Variants in DAAM1 observed in about 807,000 individuals in gnomAD.
DAAM1 encodes the protein dishevelled associated activator of morphogenesis 1.
In DAAM1, 52 loss-of-function variants were observed where a neutral mutation model predicts 130.0. The observed-to-expected ratio is 0.40, with a 90% CI of 0.32 to 0.50. The LOEUF (loss-of-function observed/expected upper bound fraction) is 0.50, where lower values mean the gene tolerates loss of function less well. Among genes scored for constraint, DAAM1 ranks in the 20% least tolerant of loss-of-function variants. DAAM1 has a pLI of 0.61. For missense variants in DAAM1, 1,134 were observed against 1,303.8 expected (o/e 0.87, Z 2.01); for synonymous variants, 452 against 444.5 (o/e 1.02, Z -0.21).
At chr14:59,256,164 A>G (rs532520229) in intron 1 of DAAM1, among the ~76,000 whole-genome samples, 1 of 152,374 alleles carries the variant, frequency 6.6e-6, no homozygotes, top group East Asian at 1.9e-4. Flanking sequence ...TCACTCATGT[A>G]TTAAATACTG....
At chr14:59,288,406 CAAA>C (rs1459737080) in intron 2 of DAAM1, among the ~76,000 whole-genome samples, 1 of 151,916 alleles carries the variant, frequency 6.6e-6, no homozygotes, top group East Asian at 1.9e-4. Flanking sequence ...GGAACAAAAA[CAAA>C]AATTGACAAG....
chr14:59,323,188 A>G lies in DAAM1; in HGVS notation c.737A>G (p.His246Arg), dbSNP rs1885085031. 1.9e-6 allele frequency: 3 copies of G among 1,613,284 alleles called. No homozygotes were observed. The highest frequency in any genetic ancestry group is 2.2e-5 in the East Asian group (1 of 44,796). ...GHKKVLQAML[H>R]YQKYASERTR... ...AAGAAGGTTCTGCAGGCCATGCTGCACTACCAGAAGTATGCCAGCGAAAGG... is the reference window on the plus strand; with the variant it reads ...AAGAAGGTTCTGCAGGCCATGCTGCGCTACCAGAAGTATGCCAGCGAAAGG... Residue 246 changes from histidine (H) to arginine (R), a missense_variant, in exon 6 of 25, where the codon CAC (histidine) becomes CGC (arginine). Physicochemically the swap from His to Arg is conservative, Grantham distance 29 (BLOSUM62 0). Transcript: ENST00000360909.
At position 59,326,645 on chromosome 14, in the gene DAAM1, G is replaced by A. The variant is rs749038803; in HGVS notation, c.1310G>A (p.Arg437Gln). 6 of 1,611,968 alleles carry A rather than the reference G, an allele frequency of 3.7e-6. No individual in the cohort carries two copies. Among genetic ancestry groups the A allele is most frequent in the South Asian group, 2.2e-5 (2 of 90,340 alleles). Residue 437 changes from arginine to glutamine, a missense_variant, in exon 11 of 25, where the codon CGA becomes CAA. Physicochemically the swap from Arg to Gln is conservative, Grantham distance 43 (BLOSUM62 1). This residue lies in a region of DAAM1 where 391 missense variants were observed against 521.6 expected (regional missense o/e 0.75). Transcript: ENST00000360909. ...LENFNIKNVV[R>Q]MLVNENEVKQ... Reference sequence around the variant, plus strand: ...AACTTTAATATTAAGAATGTCGTACGAATGTAAGTCTCTTCTTATTCTGCT... The same window carrying A: ...AACTTTAATATTAAGAATGTCGTACAAATGTAAGTCTCTTCTTATTCTGCT...
chr14:59,276,991 A>G (rs1379415650), intron 2 of DAAM1, among the ~76,000 whole-genome samples: 1 of 152,214 alleles, frequency 6.6e-6, no homozygotes, highest in Non-Finnish European at 1.5e-5. Context: ...AACTCATTAG[A>G]AATAGATATC....
At chr14:59,335,332 C>T (rs556247496) in intron 15 of DAAM1, among the ~76,000 whole-genome samples, 5 of 152,306 alleles carry the variant, frequency 3.3e-5, no homozygotes, top group African/African-American at 1.2e-4. Context: ...TCTCCACTCA[C>T]ATTCCAAAAG....
At chr14:59,201,307 A>G (rs1317010449) in intron 1 of DAAM1, among the ~76,000 whole-genome samples, 16 of 152,130 alleles carry the variant, frequency 1.1e-4, no homozygotes, top group Admixed American at 7.2e-4. Flanking sequence ...TAGCTGGTTA[A>G]GTGCACAGCT....
intron 1 of DAAM1, among the ~76,000 whole-genome samples, chr14:59,192,730 C>T (rs1032807048): frequency 2.0e-5 from 3 of 152,146 alleles, no homozygotes; most frequent in Non-Finnish European, 2.9e-5. Flanking sequence ...ATCTTAAGTA[C>T]GCACAGCATC....
chr14:59,263,915 TC>T (rs1477584501), intron 2 of DAAM1: 2 of 521,982 alleles, frequency 3.8e-6, no homozygotes, highest in African/African-American at 3.8e-5. Flanking sequence ...CTTCAGTTCT[TC>T]AAATATGTGG....
chr14:59,192,850 G>A (rs1181433668), intron 1 of DAAM1, among the ~76,000 whole-genome samples: 3 of 152,194 alleles, frequency 2.0e-5, no homozygotes, highest in South Asian at 2.1e-4. Context: ...TCAGGACATC[G>A]AGACCATCCT....
chr14:59,291,090 T>C, intron 2 of DAAM1, 127 bp from the exon 3 acceptor site: 1 of 776,964 alleles, frequency 1.3e-6, no homozygotes, highest in Non-Finnish European at 2.0e-6. Context: ...AGCTTCTTGA[T>C]CTTTTTCAAG....
intron 1 of DAAM1, among the ~76,000 whole-genome samples, chr14:59,203,117 G>A (rs886736027): frequency 3.0e-4 from 44 of 148,780 alleles, no homozygotes; most frequent in African/African-American, 1.0e-3. Flanking sequence ...TCAGCCTCCC[G>A]AGTAGTTAGG....
intron 3 of DAAM1, among the ~76,000 whole-genome samples, chr14:59,312,825 T>C (rs1359974156): frequency 1.3e-5 from 2 of 152,222 alleles, no homozygotes; most frequent in South Asian, 2.1e-4. Flanking sequence ...CACTTTGTAC[T>C]GTACAAGTTC....
chr14:59,324,115 C>G lies in DAAM1; in HGVS notation c.775-13C>G. 1 of 1,369,896 alleles carries G rather than the reference C, an allele frequency of 7.3e-7. No individual in the cohort carries two copies. 84.9% of individuals were successfully genotyped at this position (1,369,896 alleles called of 1,614,324 possible). A position where few individuals can be genotyped will look rare whatever the true frequency, so the allele number is the denominator to read the frequency against. On this transcript the variant is annotated splice_polypyrimidine_tract_variant and intron_variant, in intron 6 of 24. Transcript: ENST00000360909. ...AGTAACGTTTCAGTCCTTTGTTTTT[C>G]TATTTTTGATAGACATTAATTAACG...
intron 1 of DAAM1, among the ~76,000 whole-genome samples, chr14:59,222,021 A>G (rs1244918004): frequency 2.6e-5 from 4 of 152,214 alleles, no homozygotes; most frequent in South Asian, 2.1e-4. Context: ...GATTCAGAGC[A>G]TATACAGTCT....
At chr14:59,361,334 G>A (rs1886697514) in intron 22 of DAAM1, among the ~76,000 whole-genome samples, 1 of 152,196 alleles carries the variant, frequency 6.6e-6, no homozygotes, top group Admixed American at 6.5e-5. Context: ...CGATGACTCA[G>A]AATCCTTGTC....
intron 20 of DAAM1, 133 bp downstream of exon 20, chr14:59,355,466 C>G: frequency 9.1e-7 from 1 of 1,102,638 alleles, no homozygotes; most frequent in Non-Finnish European, 1.3e-6. Context: ...TCACTACTTT[C>G]TTCCCTTCTC....
At chr14:59,243,895 A>G (rs909823506) in intron 1 of DAAM1, among the ~76,000 whole-genome samples, 4 of 152,182 alleles carry the variant, frequency 2.6e-5, no homozygotes, top group African/African-American at 9.7e-5. Context: ...GGATACCTGT[A>G]TGTCCCTGTT....
At chr14:59,334,420 A>AT (rs1262918338) in intron 15 of DAAM1, among the ~76,000 whole-genome samples, 6 of 151,950 alleles carry the variant, frequency 3.9e-5, no homozygotes, top group Admixed American at 1.3e-4. Context: ...CTCGGGATCT[A>AT]TTTTTTTCCA....
At chr14:59,334,839 A>G (rs1284083430) in intron 15 of DAAM1, among the ~76,000 whole-genome samples, 4 of 152,178 alleles carry the variant, frequency 2.6e-5, no homozygotes, top group Non-Finnish European at 4.4e-5. Flanking sequence ...GCACAGGCCC[A>G]CAGTGTAACT....
Sources: gnomAD v4.1 joint callset for allele counts (sites outside exome capture counted in the v4.1 genomes callset) on GRCh38, gnomAD v4.1.1 for gene constraint, gnomAD v4.1.1 regional missense constraint, MANE v1.5 for transcripts, NCBI Gene and HGNC (gene_info 2026-07-23, HGNC 2026-07-21) for gene names.